The following EIF3B variants were observed in gnomAD, a reference collection of about 807,000 sequenced individuals.
EIF3B encodes eukaryotic translation initiation factor 3 subunit 9.
In EIF3B, 10 loss-of-function variants were observed where a neutral mutation model predicts 104.6. The ratio of observed to expected loss-of-function variants is 0.10; its 90% CI spans 0.06 to 0.16. The LOEUF is 0.16. EIF3B is among the 10% of genes least tolerant of loss of function. EIF3B has a pLI of 1.00. For synonymous variants in EIF3B, 542 were observed against 417.2 expected, an observed-to-expected ratio of 1.30 and a Z score of -3.65; for missense variants, 1,014 against 1,087.9, an observed-to-expected ratio of 0.93 and a Z score of 0.96.
chr7:2,367,533 G>A (rs1321221424), intron 9 of EIF3B, among the ~76,000 whole-genome samples: 2 of 152,134 alleles, frequency 1.3e-5, no homozygotes, highest in African/African-American at 2.4e-5. Flanking sequence ...GCAGTGATAC[G>A]ATCTTGGCTC....
At chr7:2,358,186 C>T (rs1406216056) in intron 1 of EIF3B, among the ~76,000 whole-genome samples, 1 of 152,080 alleles carries the variant, frequency 6.6e-6, no homozygotes, top group Non-Finnish European at 1.5e-5. Flanking sequence ...CCGCTTCAAG[C>T]GATTTTCCTG....
chr7:2,370,120 A>G (rs1480407268), intron 10 of EIF3B, among the ~76,000 whole-genome samples: 1 of 152,182 alleles, frequency 6.6e-6, no homozygotes, highest in Non-Finnish European at 1.5e-5. Flanking sequence ...AGTATACTCA[A>G]GATTTATTTT....
chr7:2,375,767 C>A (rs1004114340), intron 14 of EIF3B, among the ~76,000 whole-genome samples: 28 of 152,144 alleles, frequency 1.8e-4, no homozygotes, highest in Admixed American at 1.8e-3. Context: ...TTACCCTGGG[C>A]CCAGGGACCC....
intron 15 of EIF3B, among the ~76,000 whole-genome samples, chr7:2,377,541 AGC>A (rs1780706980): frequency 7.9e-6 from 1 of 126,358 alleles, no homozygotes; most frequent in African/African-American, 3.3e-5. Flanking sequence ...AGGAGGAAGG[AGC>A]AGGCACGAGC....
intron 12 of EIF3B, chr7:2,374,238 G>A (rs1050847343): frequency 2.2e-5 from 7 of 320,640 alleles, no homozygotes; most frequent in Admixed American, 2.0e-4. Context: ...GGTCCCTGCA[G>A]CAGTGAACAT....
chr7:2,371,286 T>C (rs971131512), intron 10 of EIF3B, among the ~76,000 whole-genome samples: 6 of 152,206 alleles, frequency 3.9e-5, no homozygotes, highest in African/African-American at 1.4e-4. Context: ...AGTAATCTCT[T>C]GTTGGGTGGA....
At chr7:2,371,693 A>T (rs115612413) in intron 10 of EIF3B, 84 bp from the exon 11 acceptor site, 3 of 1,098,738 alleles carry the variant, frequency 2.7e-6, no homozygotes, top group Non-Finnish European at 4.2e-6. Flanking sequence ...TGAATCTTTC[A>T]TTGTGACGTT....
At position 2,355,521 on chromosome 7, in the gene EIF3B, G is replaced by A. The variant is rs1302304874; in HGVS notation, c.499+101G>A. On this transcript the variant is annotated intron_variant, in intron 1 of 18. Transcript: ENST00000360876. The stretch of plus-strand genomic sequence containing the variant: ...GGCTGTGCCACCGGTTCGTGCAGAA[G>A]TTCCAGCGAGGGTGTCCGTGTGTTC... 3 of 1,377,538 alleles carry A rather than the reference G, an allele frequency of 2.2e-6. No individual in the cohort carries two copies. In the African/African-American group the frequency reaches 4.6e-5, roughly 21 times the overall value. The allele number at this position is 1,377,538 out of a possible 1,614,324, so 85.3% of individuals were successfully genotyped here. A position where few individuals can be genotyped will look rare whatever the true frequency, so the allele number is the denominator to read the frequency against.
rs752645322 is a variant in EIF3B, at chr7:2,371,839, C to G, written c.1677C>G (p.Val559=). Residue 559 remains valine, a synonymous_variant, in exon 11 of 19, where the codon GTC becomes GTG. Transcript: ENST00000360876. ...MREKQVPVDV[V]EMKETIIAFA... ...AGAAACAGGTACCTGTGGATGTGGT[C>G]GAGATGAAAGGCAAGTTGTATTTTA... 6.2e-6 allele frequency: 10 copies of G among 1,613,336 alleles called. No homozygotes were observed. The highest frequency in any genetic ancestry group is 8.5e-6 in the Non-Finnish European group (10 of 1,179,778).
At chr7:2,368,619 G>A (rs896092564) in intron 9 of EIF3B, among the ~76,000 whole-genome samples, 4 of 152,146 alleles carry the variant, frequency 2.6e-5, no homozygotes, top group Non-Finnish European at 4.4e-5. Flanking sequence ...CATCTACCTC[G>A]TCTTTGATCT....
In EIF3B at chr7:2,375,177, TATG is replaced by T. The variant is rs1443529756; in HGVS notation, c.1890-208_1890-206del. ...CAGATAACATTTCCAGTAAAAATAA[TATG>T]ATGGCAGTCATATGTAATACTCACT... On this transcript the variant is annotated intron_variant, in intron 13 of 18. Coordinates refer to ENST00000360876, the MANE Select transcript of EIF3B (RefSeq NM_001037283.2). 70 of 546,342 alleles carry T rather than the reference TATG, an allele frequency of 1.3e-4. No homozygotes were observed. In the East Asian group the frequency reaches 1.9e-3, roughly 15 times the overall value. The allele number at this position is 546,342 out of a possible 1,614,324, so 33.8% of individuals were successfully genotyped here.
At chr7:2,361,933 C>T (rs766727174) in intron 2 of EIF3B, among the ~76,000 whole-genome samples, 1 of 148,728 alleles carries the variant, frequency 6.7e-6, no homozygotes, top group East Asian at 1.9e-4. Flanking sequence ...CACACTACCA[C>T]GCCTGGCTTG....
chr7:2,359,648 A>G (rs1779629841), intron 1 of EIF3B, among the ~76,000 whole-genome samples: 1 of 152,232 alleles, frequency 6.6e-6, no homozygotes. Context: ...AGCGAGGGAT[A>G]GTGGGAGCCC....
At chr7:2,361,394 A>G (rs1214515133) in intron 2 of EIF3B, among the ~76,000 whole-genome samples, 1 of 152,214 alleles carries the variant, frequency 6.6e-6, no homozygotes, top group Non-Finnish European at 1.5e-5. Flanking sequence ...TACTCGTGTT[A>G]TAATGAAACA....
Position 2,369,765 on chromosome 7 carries a change from A to ATTTTTT in EIF3B, c.1614+108_1614+113dup, listed in dbSNP as rs552367791. ...CGTATTGTTTGGAGGGTGTTAATGG[A>ATTTTTT]TTTTTTTTTTTTTTTTTTTTTTTTT... On this transcript the variant is annotated intron_variant, in intron 10 of 18. Transcript: ENST00000360876. 20 of 366,234 alleles carry ATTTTTT rather than the reference A, an allele frequency of 5.5e-5. 1 individual carries two copies. The African/African-American group carries it at 8.0e-4, about 15-fold the overall frequency. The allele number at this position is 366,234 out of a possible 1,614,324, so 22.7% of individuals were successfully genotyped here.
chr7:2,357,501 G>T lies in EIF3B; in HGVS notation c.499+2081G>T, dbSNP rs1001187213. Reference sequence around the variant, plus strand: ...TCTTCCAAGGAGCAGGCCAGAGGTGGCCTGGAGTCCCTGTCTTGCTTTATT... The same window carrying T: ...TCTTCCAAGGAGCAGGCCAGAGGTGTCCTGGAGTCCCTGTCTTGCTTTATT... On this transcript the variant is annotated intron_variant, in intron 1 of 18. Transcript: ENST00000360876. Among the ~76,000 whole-genome samples, 5 of 152,316 alleles carry T rather than the reference G, an allele frequency of 3.3e-5. No homozygotes were observed. In the East Asian group the frequency reaches 9.6e-4, roughly 29 times the overall value.
intron 16 of EIF3B, 27 bp from the exon 17 acceptor site, chr7:2,379,107 C>G (rs554618755): frequency 1.2e-6 from 2 of 1,603,810 alleles, no homozygotes; most frequent in South Asian, 1.1e-5. Flanking sequence ...CTTACCAGTT[C>G]TGTGCTTTCC....
chr7:2,367,668 C>T (rs2115309956), intron 9 of EIF3B, among the ~76,000 whole-genome samples: 1 of 151,986 alleles, frequency 6.6e-6, no homozygotes, highest in East Asian at 1.9e-4. Context: ...TGGGGTTTCA[C>T]CATGTTGGCT....
intron 1 of EIF3B, among the ~76,000 whole-genome samples, chr7:2,357,893 T>G (rs1209995387): frequency 6.6e-6 from 1 of 152,162 alleles, no homozygotes; most frequent in Non-Finnish European, 1.5e-5. Context: ...GCCTTATAAA[T>G]TCAGATCAGG....
Sources: gnomAD v4.1 joint callset for allele counts (sites outside exome capture counted in the v4.1 genomes callset) on GRCh38, gnomAD v4.1.1 for gene constraint, MANE v1.5 for transcripts, NCBI Gene and HGNC (gene_info 2026-07-23, HGNC 2026-07-21) for gene names.